Variants in EML5 observed in about 807,000 individuals in gnomAD.
The protein encoded by EML5 is echinoderm microtubule-associated protein-like 5.
Under a neutral mutation model 250.0 loss-of-function variants are expected in EML5, and 120 were observed. That is an observed-to-expected ratio of 0.48 (90% CI 0.41 to 0.56). EML5 has a LOEUF of 0.56. Ranked by LOEUF, EML5 falls within the 20% of genes least tolerant of loss-of-function variation. The pLI is 0.00. For missense variants in EML5, 2,006 were observed against 2,437.6 expected (o/e 0.82, Z 3.73); for synonymous variants, 771 against 806.5 (o/e 0.96, Z 0.75).
intron 19 of EML5, among the ~76,000 whole-genome samples, chr14:88,685,872 T>C (rs2092821065): frequency 6.6e-6 from 1 of 152,226 alleles, no homozygotes; most frequent in Non-Finnish European, 1.5e-5. Context: ...TACTTTTTAT[T>C]TTTCTCTAGC....
Position 88,618,758 on chromosome 14 carries a change from A to G in EML5, c.5430T>C (p.Asp1810=). 6.2e-7 allele frequency: 1 copy of G among 1,603,262 alleles called. No homozygotes were observed. The highest frequency in any genetic ancestry group is 8.5e-7 in the Non-Finnish European group (1 of 1,173,998). Residue 1810 remains aspartate (D), a synonymous_variant, in exon 40 of 44, where the codon GAT becomes GAC. Transcript: ENST00000554922. ...TGGGGCCCAGCGTTAGGTCATAAAA[A>G]TCCACTGAGTTCTCACTAGAACCTA... The part of the protein sequence containing the change: ...LAVGSSENSV[D]FYDLTLGPTL...
chr14:88,686,397 TATA>T (rs914570247), intron 19 of EML5, among the ~76,000 whole-genome samples: 19 of 151,364 alleles, frequency 1.3e-4, no homozygotes, highest in Non-Finnish European at 1.8e-4. Context: ...GAACTCAAGG[TATA>T]ATAATAATAA....
chr14:88,754,471 T>C, intron 2 of EML5, 41 bp downstream of exon 2: 1 of 1,528,352 alleles, frequency 6.5e-7, no homozygotes, highest in Non-Finnish European at 8.8e-7. Flanking sequence ...ATAATATACC[T>C]TAACATACAA....
chr14:88,729,088 CATATAT>C (rs140688839), intron 7 of EML5, among the ~76,000 whole-genome samples: 4 of 151,120 alleles, frequency 2.6e-5, no homozygotes, highest in African/African-American at 9.7e-5. Context: ...ATAAACACAT[CATATAT>C]ATATATAACC....
intron 43 of EML5, 21 bp downstream of exon 43, chr14:88,616,121 T>G: frequency 6.2e-7 from 1 of 1,610,408 alleles, no homozygotes; most frequent in South Asian, 1.1e-5. Flanking sequence ...CTGCTCTTCA[T>G]GGGCTGAGAA....
chr14:88,628,092 G>A (rs906847387), intron 33 of EML5: 1 of 454,278 alleles, frequency 2.2e-6, no homozygotes, highest in Non-Finnish European at 4.0e-6. Context: ...AAGCAAATCA[G>A]GCAATCTCAA....
chr14:88,723,611 A>G (rs1386753310), intron 8 of EML5, among the ~76,000 whole-genome samples: 5 of 152,174 alleles, frequency 3.3e-5, no homozygotes, highest in Non-Finnish European at 7.3e-5. Context: ...CTCACCCCCT[A>G]AAGTGGTTAA....
rs1346036816 is a variant in EML5 at position 88,614,778 on chromosome 14, AACTG to A, written c.*1036_*1039del. The A allele has an allele frequency of 6.6e-6, 1 of 152,210 alleles. No homozygotes were observed. Among genetic ancestry groups the A allele is most frequent in the Non-Finnish European group, 1.5e-5 (1 of 68,004 alleles). 9.4% of individuals were successfully genotyped at this position (152,210 alleles called of 1,614,324 possible). A position where few individuals can be genotyped will look rare whatever the true frequency, so the allele number is the denominator to read the frequency against. ...CTAATCCACTAAAAAAAGGAATTCT[AACTG>A]ACAAGTTTTTACAAATGGAGTTGGG... On this transcript the variant is annotated 3_prime_UTR_variant, in exon 44 of 44. Transcript: ENST00000554922.
intron 8 of EML5, among the ~76,000 whole-genome samples, chr14:88,721,763 A>G (rs1008515925): frequency 1.1e-4 from 16 of 152,230 alleles, no homozygotes; most frequent in Non-Finnish European, 2.2e-4. Flanking sequence ...AAAAATTGAC[A>G]AATGTGATCT....
chr14:88,643,268 T>C lies in EML5; in HGVS notation c.4108-246A>G, dbSNP rs531358416. ...TGAAAAGGAAAATGGAATCACAAGG[T>C]AGTCTGATTCCAAGAACTTTAGTTC... On this transcript the variant is annotated intron_variant, in intron 30 of 43. Coordinates refer to ENST00000554922, the MANE Select transcript of EML5 (RefSeq NM_183387.3). Among the ~76,000 whole-genome samples, 16 of 152,254 alleles carry C rather than the reference T, an allele frequency of 1.1e-4. No individual in the cohort carries two copies. In the South Asian group the frequency reaches 3.1e-3, roughly 30 times the overall value.
At chr14:88,705,645 G>A (rs138580894) in intron 11 of EML5, 57 bp from the exon 12 acceptor site, 2 of 1,290,654 alleles carry the variant, frequency 1.5e-6, no homozygotes, top group Non-Finnish European at 2.2e-6. Context: ...TTTCAAAACA[G>A]CACTGAAAAA....
At chr14:88,724,753 A>G (rs994901814) in intron 8 of EML5, among the ~76,000 whole-genome samples, 3 of 152,208 alleles carry the variant, frequency 2.0e-5, no homozygotes, top group African/African-American at 2.4e-5. Flanking sequence ...TATTATTCAT[A>G]AGTAATGACC....
intron 1 of EML5, among the ~76,000 whole-genome samples, chr14:88,786,914 G>A (rs982930635): frequency 6.6e-6 from 1 of 152,172 alleles, no homozygotes; most frequent in Non-Finnish European, 1.5e-5. Flanking sequence ...GTCAAATCAT[G>A]ATGAAAAATC....
In EML5 at chr14:88,702,467, T is replaced by C. The variant is rs759202776; in HGVS notation, c.2217A>G (p.Lys739=). 1.9e-6 allele frequency: 3 copies of C among 1,612,178 alleles called. No homozygotes were observed. In the East Asian group the frequency reaches 6.7e-5, roughly 36 times the overall value. The part of the protein sequence containing the change: ...DILCLTIHPL[K]DYVATGQVGR... ...CTACCTGGCCTGTTGCCACGTAGTCTTTCAAAGGATGAATAGTTAGGCAGA... is the reference window on the plus strand; with the variant it reads ...CTACCTGGCCTGTTGCCACGTAGTCCTTCAAAGGATGAATAGTTAGGCAGA... The change falls in exon 14 of 44, where the codon AAA becomes AAG. Residue 739 remains lysine, a synonymous_variant. Coordinates refer to ENST00000554922, the MANE Select transcript of EML5 (RefSeq NM_183387.3).
At chr14:88,661,214 G>C (rs2092088668) in intron 25 of EML5, among the ~76,000 whole-genome samples, 2 of 152,068 alleles carry the variant, frequency 1.3e-5, no homozygotes, top group African/African-American at 4.8e-5. Context: ...TCAGCCTCCT[G>C]AGTAGCTAGG....
chr14:88,649,593 C>A (rs973209449), intron 28 of EML5, among the ~76,000 whole-genome samples: 2 of 152,116 alleles, frequency 1.3e-5, no homozygotes, highest in African/African-American at 2.4e-5. Flanking sequence ...AATAGTCTTT[C>A]ACTTAAATAT....
chr14:88,709,979 A>G (rs745505691), intron 10 of EML5, among the ~76,000 whole-genome samples: 5 of 152,144 alleles, frequency 3.3e-5, no homozygotes, highest in Non-Finnish European at 5.9e-5. Flanking sequence ...ATAAATTTTC[A>G]TTTGTCAACA....
At chr14:88,682,325 T>C (rs1426098287) in intron 20 of EML5, among the ~76,000 whole-genome samples, 2 of 151,938 alleles carry the variant, frequency 1.3e-5, no homozygotes, top group Non-Finnish European at 2.9e-5. Flanking sequence ...ATGTTAATAA[T>C]TGCCACACAG....
intron 1 of EML5, among the ~76,000 whole-genome samples, chr14:88,760,946 T>C (rs1193650542): frequency 2.0e-5 from 3 of 152,194 alleles, no homozygotes; most frequent in Non-Finnish European, 4.4e-5. Flanking sequence ...CAGTTTCCAA[T>C]TGTTCATTGC....
Sources: gnomAD v4.1 joint callset for allele counts (sites outside exome capture counted in the v4.1 genomes callset) on GRCh38, gnomAD v4.1.1 for gene constraint, MANE v1.5 for transcripts, NCBI Gene and HGNC (gene_info 2026-07-23, HGNC 2026-07-21) for gene names.